The following ZFHX3 variants were observed in gnomAD, a reference collection of about 807,000 sequenced individuals.
The protein encoded by ZFHX3 is zinc finger homeobox protein 3.
In ZFHX3, 42 loss-of-function variants were observed where a neutral mutation model predicts 279.1. The ratio of observed to expected loss-of-function variants is 0.15; its 90% CI spans 0.12 to 0.19. The LOEUF is 0.19. Among genes scored for constraint, ZFHX3 ranks in the 10% least tolerant of loss-of-function variants. The pLI is 1.00. For synonymous variants in ZFHX3, 2,293 were observed against 1,957.8 expected (o/e 1.17, Z -4.52); for missense variants, 4,981 against 4,754.0 (o/e 1.05, Z -1.40).
At chr16:73,003,317 G>GAA (rs34728114) in intron 1 of ZFHX3, among the ~76,000 whole-genome samples, 33 of 132,032 alleles carry the variant, frequency 2.5e-4, no homozygotes, top group Non-Finnish European at 2.9e-4. Flanking sequence ...TAATTAAAGG[G>GAA]AAAAAAAAAA....
At chr16:73,465,478 A>G (rs187381370) in intron 2 of ZFHX3, among the ~76,000 whole-genome samples, 2 of 152,134 alleles carry the variant, frequency 1.3e-5, no homozygotes, top group Admixed American at 1.3e-4. Context: ...GGTGCCTCTG[A>G]GGTCTCACTG....
At chr16:72,938,984 G>A (rs552598036) in intron 3 of ZFHX3, among the ~76,000 whole-genome samples, 60 of 150,920 alleles carry the variant, frequency 4.0e-4, no homozygotes, top group Non-Finnish European at 7.2e-4. Context: ...AGCTGGCTTC[G>A]GAGTCACACT....
intron 3 of ZFHX3, among the ~76,000 whole-genome samples, chr16:73,334,819 T>A: frequency 7.3e-6 from 1 of 136,106 alleles, no homozygotes; most frequent in African/African-American, 2.8e-5. Context: ...TCTTTTTTTT[T>A]TTTTTTTTTT....
chr16:73,768,375 A>G (rs947160030), intron 1 of ZFHX3, among the ~76,000 whole-genome samples: 10 of 152,202 alleles, frequency 6.6e-5, no homozygotes, highest in Non-Finnish European at 1.3e-4. Context: ...CACTTAAAAA[A>G]TTGAACTTTT....
intron 4 of ZFHX3, among the ~76,000 whole-genome samples, chr16:72,882,434 A>G (rs1458258233): frequency 6.6e-6 from 1 of 152,210 alleles, no homozygotes; most frequent in Non-Finnish European, 1.5e-5. Context: ...AACGCAACGA[A>G]TGAATGGTGG....
chr16:73,691,191 T>G (rs2053146442), intron 1 of ZFHX3, among the ~76,000 whole-genome samples: 3 of 152,220 alleles, frequency 2.0e-5, no homozygotes, highest in Non-Finnish European at 4.4e-5. Flanking sequence ...AAGTGTTTTC[T>G]AAAGACAGTC....
chr16:73,760,019 A>T (rs328372), intron 1 of ZFHX3, among the ~76,000 whole-genome samples: 41,224 of 130,454 alleles, frequency 0.32, 7,007 homozygotes, highest in East Asian at 0.6. Context: ...GTTTTTTTTT[A>T]AAAAAAAATT....
intron 6 of ZFHX3, among the ~76,000 whole-genome samples, chr16:73,139,348 T>C (rs777987018): frequency 2.0e-5 from 3 of 152,190 alleles, no homozygotes; most frequent in Non-Finnish European, 4.4e-5. Flanking sequence ...CATATGTATA[T>C]GTGCATGCAT....
intron 7 of ZFHX3, among the ~76,000 whole-genome samples, chr16:72,800,764 G>A (rs1366661986): frequency 3.3e-5 from 5 of 152,270 alleles, no homozygotes; most frequent in African/African-American, 4.8e-5. Context: ...CTTAAGCCAC[G>A]ATTTCTTCTG....
chr16:72,907,849 A>G (rs1309554045), intron 3 of ZFHX3, among the ~76,000 whole-genome samples: 1 of 151,446 alleles, frequency 6.6e-6, no homozygotes, highest in African/African-American at 2.4e-5. Context: ...ATGCCCAGCT[A>G]ATTTTTGTAT....
intron 1 of ZFHX3, among the ~76,000 whole-genome samples, chr16:73,687,264 C>T (rs2053098582): frequency 6.7e-6 from 1 of 150,066 alleles, no homozygotes; most frequent in Non-Finnish European, 1.5e-5. Context: ...TGGTGGCACA[C>T]ACCTGTAGTT....
intron 1 of ZFHX3, among the ~76,000 whole-genome samples, chr16:73,772,027 A>G (rs984435947): frequency 6.6e-6 from 1 of 151,820 alleles, no homozygotes; most frequent in Non-Finnish European, 1.5e-5. Flanking sequence ...TTTCTTCTAC[A>G]TTTTATTTCC....
intron 2 of ZFHX3, among the ~76,000 whole-genome samples, chr16:73,607,988 T>G (rs2052207938): frequency 6.6e-6 from 1 of 151,942 alleles, no homozygotes; most frequent in Non-Finnish European, 1.5e-5. Context: ...GTAGGTGGGT[T>G]GCCTGAGTCC....
At chr16:72,981,435 C>T (rs1962595336) in intron 1 of ZFHX3, among the ~76,000 whole-genome samples, 1 of 152,212 alleles carries the variant, frequency 6.6e-6, no homozygotes, top group African/African-American at 2.4e-5. Flanking sequence ...TAAAAGCCTC[C>T]ACTTCTTGAC....
chr16:72,896,661 C>T (rs2038908563), intron 3 of ZFHX3, among the ~76,000 whole-genome samples: 1 of 152,144 alleles, frequency 6.6e-6, no homozygotes, highest in Non-Finnish European at 1.5e-5. Flanking sequence ...AAAACGTGTT[C>T]CTGTTACTTG....
intron 3 of ZFHX3, among the ~76,000 whole-genome samples, chr16:73,322,029 C>A (rs777468104): frequency 6.6e-6 from 1 of 152,206 alleles, no homozygotes; most frequent in Non-Finnish European, 1.5e-5. Context: ...GATTTCCCAA[C>A]CAAAAGGCAT....
chr16:73,197,747 T>A lies in ZFHX3; in HGVS notation c.-1103-53916A>T, dbSNP rs74564794. Among the ~76,000 whole-genome samples, 163 of 152,276 alleles carry A rather than the reference T, an allele frequency of 1.1e-3. 2 individuals carry two copies. In the East Asian group the frequency reaches 0.026, roughly 24 times the overall value. On this transcript the variant is annotated intron_variant, in intron 5 of 17. Coordinates refer to the ZFHX3 transcript ENST00000641206. Reference sequence around the variant, plus strand: ...TTCATTCATTATCACAAACCTTACTTGACATAGACTAAGTGGGCTGGGAAT... The same window carrying A: ...TTCATTCATTATCACAAACCTTACTAGACATAGACTAAGTGGGCTGGGAAT...
chr16:73,220,178 C>T (rs9931804), intron 5 of ZFHX3, among the ~76,000 whole-genome samples: 14,145 of 152,032 alleles, frequency 0.093, 2,198 homozygotes, highest in African/African-American at 0.32. Context: ...ACAATAGACG[C>T]TGGGGACTAC....
intron 7 of ZFHX3, among the ~76,000 whole-genome samples, chr16:72,802,847 A>G (rs2266932): frequency 0.033 from 5,096 of 152,258 alleles, 622 homozygotes; most frequent in East Asian, 0.29. Context: ...GCCATAAACA[A>G]TCCTGCCAAC....
Sources: allele counts gnomAD v4.1 joint callset (sites outside exome capture counted in the v4.1 genomes callset), GRCh38; gene constraint gnomAD v4.1.1; transcripts MANE v1.5; gene names NCBI Gene and HGNC (gene_info 2026-07-23, HGNC 2026-07-21).